The following GALNT17 variants were observed in gnomAD, a reference collection of about 807,000 sequenced individuals.
GALNT17 encodes the protein polypeptide N-acetylgalactosaminyltransferase 17, also known as UDP-GalNAc:polypeptide N-acetylgalactosaminyltransferase-like 3.
A neutral mutation model predicts 63.7 loss-of-function variants in GALNT17; 29 were observed. The observed-to-expected ratio is 0.46, with a 90% confidence interval of 0.34 to 0.62. The LOEUF is 0.62. GALNT17 is among the 20% of genes least tolerant of loss of function. The pLI, the probability that GALNT17 is intolerant of heterozygous loss-of-function variation, is 0.01. For synonymous variants in GALNT17, 305 were observed against 318.3 expected (o/e 0.96, Z 0.45); for missense variants, 603 against 799.6 (o/e 0.75, Z 2.97).
rs530203262 is a variant in GALNT17 at position 71,277,392 on chromosome 7, A to G, written c.239-58158A>G. 2.0e-5 allele frequency among the ~76,000 whole-genome samples: 3 copies of G among 152,334 alleles called. No homozygotes were observed. The South Asian group carries it at 6.2e-4, about 32-fold the overall frequency. On this transcript the variant is annotated intron_variant, in intron 1 of 10. Coordinates refer to ENST00000333538, the MANE Select transcript of GALNT17 (RefSeq NM_022479.3). Reference sequence around the variant, plus strand: ...AGGAAAACCACCCGTTGGATACAGCATTCACTATTTGGGTGATGAGTTGAT... The same window carrying G: ...AGGAAAACCACCCGTTGGATACAGCGTTCACTATTTGGGTGATGAGTTGAT...
At chr7:71,524,645 T>A (rs1362506310) in intron 5 of GALNT17, among the ~76,000 whole-genome samples, 1 of 152,234 alleles carries the variant, frequency 6.6e-6, no homozygotes, top group East Asian at 1.9e-4. Flanking sequence ...ATAACTTTTC[T>A]GTGTTAGTTT....
At chr7:71,657,813 G>C (rs912816787) in intron 6 of GALNT17, among the ~76,000 whole-genome samples, 4 of 152,122 alleles carry the variant, frequency 2.6e-5, no homozygotes, top group Admixed American at 2.6e-4. Flanking sequence ...TATAGGGCTG[G>C]GGTGGGATCC....
At chr7:71,444,558 G>A (rs1315015426) in intron 5 of GALNT17, among the ~76,000 whole-genome samples, 6 of 152,190 alleles carry the variant, frequency 3.9e-5, no homozygotes, top group East Asian at 1.9e-4. Context: ...ACTGAGGGCC[G>A]GGTGCAGTGG....
chr7:71,391,525 C>T lies in GALNT17; in HGVS notation c.589+3124C>T, dbSNP rs118124421. Among the ~76,000 whole-genome samples the T allele has an allele frequency of 9.7e-3, 1,483 of 152,230 alleles. 14 individuals are homozygous for T. Among genetic ancestry groups the T allele is most frequent in the Non-Finnish European group, 0.016 (1,106 of 68,012 alleles). On this transcript the variant is annotated intron_variant, in intron 3 of 10. Transcript: ENST00000333538. ...AGACAGGGTCTCTCACTCTGTCGCC[C>T]GGGCTGGAGTGCGGTGGTGCGATCA...
chr7:71,366,082 C>T (rs1186613008), intron 2 of GALNT17, among the ~76,000 whole-genome samples: 4 of 152,028 alleles, frequency 2.6e-5, no homozygotes, highest in African/African-American at 7.2e-5. Flanking sequence ...TGCACTCTTA[C>T]GAGAATCTAA....
intron 2 of GALNT17, among the ~76,000 whole-genome samples, chr7:71,367,053 A>G (rs1050730644): frequency 6.6e-6 from 1 of 152,158 alleles, no homozygotes; most frequent in African/African-American, 2.4e-5. Context: ...TGTTCTACCT[A>G]TTGGTGAACT....
intron 6 of GALNT17, among the ~76,000 whole-genome samples, chr7:71,641,595 G>A (rs2117007583): frequency 6.6e-6 from 1 of 151,944 alleles, no homozygotes; most frequent in Non-Finnish European, 1.5e-5. Flanking sequence ...TCTTTCATAA[G>A]GGCACCAACC....
At chr7:71,438,139 A>ATATG (rs918164089) in intron 5 of GALNT17, among the ~76,000 whole-genome samples, 4 of 152,176 alleles carry the variant, frequency 2.6e-5, no homozygotes, top group African/African-American at 4.8e-5. Flanking sequence ...AACTAATAAT[A>ATATG]TATGTATGTA....
intron 1 of GALNT17, among the ~76,000 whole-genome samples, chr7:71,150,721 A>G (rs1788115257): frequency 1.3e-5 from 2 of 151,870 alleles, no homozygotes; most frequent in South Asian, 2.1e-4. Flanking sequence ...CATGTTAGCC[A>G]GGATGGTCTC....
At position 71,341,683 on chromosome 7, in the gene GALNT17, A is replaced by G. The variant is rs9638293; in HGVS notation, c.422+5950A>G. On this transcript the variant is annotated intron_variant, in intron 2 of 10. Coordinates refer to ENST00000333538, the MANE Select transcript of GALNT17 (RefSeq NM_022479.3). Reference sequence around the variant, plus strand: ...CATTTAGAACTCTTAACAGTCATCTATAGAATACTTTGGGCCAGGAGCAAA... The same window carrying G: ...CATTTAGAACTCTTAACAGTCATCTGTAGAATACTTTGGGCCAGGAGCAAA... Among the ~76,000 whole-genome samples the G allele has an allele frequency of 4.6e-5, 7 of 152,340 alleles. No homozygotes were observed. In the East Asian group the frequency reaches 1.3e-3, roughly 29 times the overall value.
At position 71,152,087 on chromosome 7, in the gene GALNT17, C is replaced by T. The variant is rs559096908; in HGVS notation, c.238+19047C>T. ...CTAATTTGCCGTGTCGTTCTAAAAT[C>T]CACTTTAATTTTTTTTTTCTGCGTG... On this transcript the variant is annotated intron_variant, in intron 1 of 10. Transcript: ENST00000333538. 1.1e-4 allele frequency among the ~76,000 whole-genome samples: 16 copies of T among 152,248 alleles called. No individual in the cohort carries two copies. The East Asian group carries it at 2.1e-3, about 20-fold the overall frequency.
At chr7:71,327,233 C>A (rs1791720718) in intron 1 of GALNT17, among the ~76,000 whole-genome samples, 1 of 152,044 alleles carries the variant, frequency 6.6e-6, no homozygotes, top group Admixed American at 6.6e-5. Context: ...TAAAGACATA[C>A]CCAAGACTGG....
intron 1 of GALNT17, among the ~76,000 whole-genome samples, chr7:71,210,355 T>G (rs1239918971): frequency 6.6e-6 from 1 of 152,016 alleles, no homozygotes; most frequent in East Asian, 1.9e-4. Context: ...CAAGTTGGTT[T>G]TGGACTCCTG....
At chr7:71,419,593 G>C (rs564245315) in intron 4 of GALNT17, among the ~76,000 whole-genome samples, 2 of 152,294 alleles carry the variant, frequency 1.3e-5, no homozygotes, top group Non-Finnish European at 1.5e-5. Flanking sequence ...GAACTCCCAC[G>C]GGAGAGGTGG....
At chr7:71,231,939 G>A (rs1292591201) in intron 1 of GALNT17, among the ~76,000 whole-genome samples, 1 of 152,056 alleles carries the variant, frequency 6.6e-6, no homozygotes, top group Non-Finnish European at 1.5e-5. Flanking sequence ...AAATTTAGGG[G>A]AGGCACAGGC....
intron 1 of GALNT17, among the ~76,000 whole-genome samples, chr7:71,255,546 C>G (rs963218753): frequency 2.6e-5 from 4 of 152,216 alleles, no homozygotes; most frequent in Non-Finnish European, 5.9e-5. Flanking sequence ...TGACTTCTGC[C>G]TCCCCTGAAG....
intron 5 of GALNT17, among the ~76,000 whole-genome samples, chr7:71,432,036 G>C (rs1334512029): frequency 6.6e-6 from 1 of 152,156 alleles, no homozygotes; most frequent in East Asian, 1.9e-4. Flanking sequence ...GTAGCTGGGT[G>C]TGATGGTGCA....
chr7:71,345,147 G>GTTTTTTTTTTTTTTTTTTTTTTTT (rs67919212), intron 2 of GALNT17, among the ~76,000 whole-genome samples: 3 of 139,450 alleles, frequency 2.2e-5, no homozygotes, highest in Non-Finnish European at 3.2e-5. Flanking sequence ...GTTGTTTTTT[G>GTTTTTTTTTTTTTTTTTTTTTTTT]TTTTTTTTTT....
At chr7:71,268,065 G>C (rs1337959664) in intron 1 of GALNT17, among the ~76,000 whole-genome samples, 1 of 152,166 alleles carries the variant, frequency 6.6e-6, no homozygotes, top group East Asian at 1.9e-4. Context: ...GGATGCCTCT[G>C]TGGAGGACCT....
Sources: allele counts gnomAD v4.1 joint callset (sites outside exome capture counted in the v4.1 genomes callset), GRCh38; gene constraint gnomAD v4.1.1; transcripts MANE v1.5; gene names NCBI Gene and HGNC (gene_info 2026-07-23, HGNC 2026-07-21).